Variants in PDZD2 observed in about 807,000 individuals in gnomAD.
PDZD2 encodes PDZ domain containing 2.
In PDZD2, 90 loss-of-function variants were observed where a neutral mutation model predicts 220.7. The ratio of observed to expected loss-of-function variants is 0.41; its 90% CI spans 0.34 to 0.49. The LOEUF is 0.49. Ranked by LOEUF, PDZD2 falls within the 20% of genes least tolerant of loss-of-function variation. The pLI, the probability that PDZD2 is intolerant of heterozygous loss-of-function variation, is 0.28. For synonymous variants in PDZD2, 1,375 were observed against 1,450.5 expected (o/e 0.95, Z 1.18); for missense variants, 3,174 against 3,608.5 (o/e 0.88, Z 3.08).
chr5:32,044,007 A>T (rs924427905), intron 7 of PDZD2, among the ~76,000 whole-genome samples: 4 of 152,030 alleles, frequency 2.6e-5, no homozygotes, highest in African/African-American at 9.7e-5. Flanking sequence ...TCAAGAGAGG[A>T]AGAATGGGTT....
rs1431730772 is a variant in PDZD2 at position 31,917,631 on chromosome 5, G to C, written c.477-65524G>C. 3.3e-5 allele frequency among the ~76,000 whole-genome samples: 5 copies of C among 152,200 alleles called. No individual in the cohort carries two copies. In the East Asian group the frequency reaches 9.6e-4, roughly 29 times the overall value. On this transcript the variant is annotated intron_variant, in intron 2 of 24. Coordinates refer to ENST00000438447, the MANE Select transcript of PDZD2 (RefSeq NM_178140.4). Reference sequence around the variant, plus strand: ...CAGAGTAGAGGTGCCTGTGAGACTTGTATTAGTCTGTTCTCACACTACTCT... The same window carrying C: ...CAGAGTAGAGGTGCCTGTGAGACTTCTATTAGTCTGTTCTCACACTACTCT...
intron 8 of PDZD2, among the ~76,000 whole-genome samples, chr5:32,050,516 T>G (rs1436521725): frequency 6.6e-6 from 1 of 152,098 alleles, no homozygotes; most frequent in African/African-American, 2.4e-5. Flanking sequence ...TTTCTTTGTC[T>G]CTCTCCCTCC....
rs557585622 is a variant in PDZD2 at position 31,660,823 on chromosome 5, A to C, written c.-361+21386A>C. Among the ~76,000 whole-genome samples, 78 of 152,320 alleles carry C rather than the reference A, an allele frequency of 5.1e-4. 1 individual carries two copies. The highest frequency in any genetic ancestry group is 1.8e-3 in the African/African-American group (76 of 41,564). On this transcript the variant is annotated intron_variant, in intron 1 of 24. Transcript: ENST00000438447. ...CTACAGCTTTAAACTCTTGAGCTCA[A>C]GCAGTCCTCCCCCCTCAGCCTCCTG... is the stretch of plus-strand genomic sequence containing the variant.
intron 14 of PDZD2, among the ~76,000 whole-genome samples, chr5:32,062,245 G>C (rs1345546271): frequency 6.6e-6 from 1 of 152,118 alleles, no homozygotes; most frequent in Non-Finnish European, 1.5e-5. Context: ...ATTTGCAAAT[G>C]TTACTTTGTA....
chr5:32,094,246 T>C (rs1040129338), intron 21 of PDZD2, among the ~76,000 whole-genome samples: 25 of 152,180 alleles, frequency 1.6e-4, no homozygotes, highest in Non-Finnish European at 2.8e-4. Flanking sequence ...AATCTTTCAG[T>C]AAATCAGTTG....
At chr5:31,834,276 C>A (rs1756808768) in intron 2 of PDZD2, among the ~76,000 whole-genome samples, 1 of 152,168 alleles carries the variant, frequency 6.6e-6, no homozygotes, top group Admixed American at 6.5e-5. Context: ...TAGCTGACCG[C>A]CAATTCCAGG....
intron 1 of PDZD2, among the ~76,000 whole-genome samples, chr5:31,671,635 T>C (rs1746220139): frequency 6.6e-6 from 1 of 152,194 alleles, no homozygotes; most frequent in African/African-American, 2.4e-5. Context: ...CTGTGAAATC[T>C]TGGGCAAGTG....
intron 1 of PDZD2, among the ~76,000 whole-genome samples, chr5:31,701,681 G>A (rs765691294): frequency 6.6e-6 from 1 of 152,104 alleles, no homozygotes; most frequent in Non-Finnish European, 1.5e-5. Flanking sequence ...ACCAGTCCCC[G>A]AGGCAGCTTT....
intron 1 of PDZD2, among the ~76,000 whole-genome samples, chr5:31,660,217 A>G (rs191479519): frequency 6.6e-6 from 1 of 152,360 alleles, no homozygotes; most frequent in African/African-American, 2.4e-5. Context: ...TCTTTGATTC[A>G]TAGATTAAAT....
At chr5:31,865,054 A>G (rs1330617825) in intron 2 of PDZD2, among the ~76,000 whole-genome samples, 13 of 151,262 alleles carry the variant, frequency 8.6e-5, no homozygotes, top group African/African-American at 3.2e-4. Flanking sequence ...TCACCTTGTT[A>G]GCCAGGATGG....
chr5:31,917,007 G>T (rs1743747745), intron 2 of PDZD2, among the ~76,000 whole-genome samples: 1 of 152,204 alleles, frequency 6.6e-6, no homozygotes, highest in African/African-American at 2.4e-5. Flanking sequence ...GGAGGTTGAT[G>T]AGGGACAGGC....
chr5:31,761,921 A>C (rs1483585203), intron 1 of PDZD2, among the ~76,000 whole-genome samples: 1 of 152,220 alleles, frequency 6.6e-6, no homozygotes, highest in Non-Finnish European at 1.5e-5. Flanking sequence ...AGGAAGCATA[A>C]TGCTGGCGTC....
At chr5:32,100,782 C>A in intron 23 of PDZD2, 1 of 761,304 alleles carries the variant, frequency 1.3e-6, no homozygotes, top group Admixed American at 2.3e-5. Context: ...AGTGCACAGC[C>A]GGTGTGGGGG....
At chr5:31,866,687 G>A (rs758092026) in intron 2 of PDZD2, among the ~76,000 whole-genome samples, 1 of 152,228 alleles carries the variant, frequency 6.6e-6, no homozygotes. Context: ...ACCTGTTTCT[G>A]TTGCTGTGTT....
Position 31,850,261 on chromosome 5 carries a change from CAT to C in PDZD2, c.476+50545_476+50546del, listed in dbSNP as rs1333967371. ...ATATATATACACACACACACACACACATATATATACTTATCATCTAGTTAATG... is the reference window on the plus strand; with the variant it reads ...ATATATATACACACACACACACACACATATATACTTATCATCTAGTTAATG... On this transcript the variant is annotated intron_variant, in intron 2 of 24. Coordinates refer to ENST00000438447, the MANE Select transcript of PDZD2 (RefSeq NM_178140.4). Among the ~76,000 whole-genome samples the C allele has an allele frequency of 3.1e-5, 4 of 130,290 alleles. No homozygotes were observed. In the East Asian group the frequency reaches 8.4e-4, roughly 27 times the overall value. The allele number at this position is 130,290 out of a possible 152,430, so 85.5% of individuals were successfully genotyped here. A position where few individuals can be genotyped will look rare whatever the true frequency, so the allele number is the denominator to read the frequency against.
chr5:31,645,844 A>G (rs1429466104), intron 1 of PDZD2, among the ~76,000 whole-genome samples: 7 of 152,092 alleles, frequency 4.6e-5, no homozygotes, highest in African/African-American at 1.7e-4. Flanking sequence ...GGCTACCCCA[A>G]AGTCAATTCC....
At chr5:31,815,818 T>TA (rs201734799) in intron 2 of PDZD2, among the ~76,000 whole-genome samples, 2 of 152,170 alleles carry the variant, frequency 1.3e-5, no homozygotes, top group African/African-American at 2.4e-5. Context: ...AATGTGTAAA[T>TA]AAATTTTTTT....
intron 1 of PDZD2, among the ~76,000 whole-genome samples, chr5:31,671,376 G>A (rs903075109): frequency 1.3e-5 from 2 of 152,178 alleles, no homozygotes; most frequent in African/African-American, 4.8e-5. Context: ...TGTGTGTAAC[G>A]CTGTGTCCAT....
chr5:31,934,439 ACAT>A (rs530731246), intron 2 of PDZD2, among the ~76,000 whole-genome samples: 13 of 152,236 alleles, frequency 8.5e-5, no homozygotes, highest in African/African-American at 2.9e-4. Flanking sequence ...CACCAGGGAA[ACAT>A]CATATATACT....
Sources: allele counts gnomAD v4.1 joint callset (sites outside exome capture counted in the v4.1 genomes callset), GRCh38; gene constraint gnomAD v4.1.1; transcripts MANE v1.5; gene names NCBI Gene and HGNC (gene_info 2026-07-23, HGNC 2026-07-21).